The following PFKFB1 variants were observed in gnomAD, a reference collection of about 807,000 sequenced individuals.
PFKFB1 encodes the protein 6-phosphofructo-2-kinase/fructose-2,6-biphosphatase 1, also known as 6-phosphofructo-2-kinase/fructose-2,6-bisphosphatase 1.
A neutral mutation model predicts 46.4 loss-of-function variants in PFKFB1; 34 were observed. That is an observed-to-expected ratio of 0.73 (90% confidence interval 0.56 to 0.98). PFKFB1 has a LOEUF of 0.98. PFKFB1 is among the 50% of genes least tolerant of loss of function. The pLI is 0.00. For synonymous variants in PFKFB1, 119 were observed against 133.8 expected (o/e 0.89, Z 0.76); for missense variants, 393 against 376.3 (o/e 1.04, Z -0.37).
At position 54,938,798 on chromosome X, in the gene PFKFB1, T is replaced by C. The variant is rs181380219; in HGVS notation, c.1099-1074A>G. Reference sequence around the variant, plus strand: ...CTCCCACACAATAATAATGAGAGACTTTAACACCCACTGTCAACATTAGAC... The same window carrying C: ...CTCCCACACAATAATAATGAGAGACCTTAACACCCACTGTCAACATTAGAC... On this transcript the variant is annotated intron_variant, in intron 10 of 13. Transcript: ENST00000375006. Among the ~76,000 whole-genome samples the C allele has an allele frequency of 5.1e-3, 567 of 111,335 alleles. 1 individual carries two copies. The highest frequency in any genetic ancestry group is 0.017 in the African/African-American group (534 of 30,585).
chrX:54,986,878 G>T (rs1365344158), intron 1 of PFKFB1, among the ~76,000 whole-genome samples: 6 of 110,710 alleles, frequency 5.4e-5, no homozygotes, highest in African/African-American at 2.0e-4. Flanking sequence ...ATAACAGAGA[G>T]AACTTTGGGA....
intron 2 of PFKFB1, 133 bp downstream of exon 2, chrX:54,963,124 A>G: frequency 1.8e-6 from 1 of 565,031 alleles, no homozygotes; most frequent in South Asian, 3.0e-5. Flanking sequence ...TAATAGTGGT[A>G]GCAGTAGTCC....
Position 54,980,682 on chromosome X carries a change from CATT to C in PFKFB1, c.97+13226_97+13228del, listed in dbSNP as rs772123262. On this transcript the variant is annotated intron_variant, in intron 1 of 13. Transcript: ENST00000375006. ...TATGTGGGTTTGGGGCTGGGATGTA[CATT>C]ACCCGTGTAGGAAGAAAAAAAGCCA... Among the ~76,000 whole-genome samples the C allele has an allele frequency of 3.1e-3, 302 of 98,731 alleles. 3 individuals are homozygous for C. Among genetic ancestry groups the C allele is most frequent in the African/African-American group, 0.011 (291 of 26,736 alleles). 85.7% of individuals were successfully genotyped at this position (98,731 alleles called of 115,157 possible). A position where few individuals can be genotyped will look rare whatever the true frequency, so the allele number is the denominator to read the frequency against.
upstream of PFKFB1, chrX:54,998,414 C>G: frequency 1.7e-6 from 2 of 1,151,772 alleles, no homozygotes; most frequent in African/African-American, 1.8e-5. Context: ...ACCTTTTATT[C>G]TAGAGGTTTT....
At chrX:54,939,578 A>T (rs866741162) in intron 10 of PFKFB1, among the ~76,000 whole-genome samples, 9 of 112,233 alleles carry the variant, frequency 8.0e-5, no homozygotes, top group Non-Finnish European at 1.9e-5. Context: ...CCGATCCCAC[A>T]GATACACAAA....
intron 1 of PFKFB1, among the ~76,000 whole-genome samples, chrX:54,968,162 T>C (rs1206605962): frequency 1.8e-5 from 1 of 55,246 alleles, no homozygotes; most frequent in Non-Finnish European, 3.3e-5. Flanking sequence ...TGAGTTCATG[T>C]CCTTTGTAGG....
chrX:54,960,961 T>C, intron 2 of PFKFB1, 44 bp from the exon 3 acceptor site: 1 of 894,800 alleles, frequency 1.1e-6, no homozygotes, highest in Non-Finnish European at 1.6e-6. Flanking sequence ...AAGATCCCAG[T>C]GGCCAAAAAA....
intron 9 of PFKFB1, 122 bp downstream of exon 9, chrX:54,948,953 T>C: frequency 2.6e-6 from 2 of 757,407 alleles, no homozygotes; most frequent in Non-Finnish European, 3.9e-6. Context: ...ACATGGCTAG[T>C]TGTCAAAAAA....
intron 1 of PFKFB1, among the ~76,000 whole-genome samples, chrX:54,982,039 A>G (rs760005681): frequency 9.0e-6 from 1 of 111,671 alleles, no homozygotes; most frequent in African/African-American, 3.2e-5. Context: ...ATATGGATCA[A>G]TTCCTTGAAA....
At chrX:54,993,642 T>C (rs941782334) in intron 1 of PFKFB1, among the ~76,000 whole-genome samples, 1 of 112,410 alleles carries the variant, frequency 8.9e-6, no homozygotes, top group Admixed American at 9.4e-5. Flanking sequence ...AAACAAGCTC[T>C]GCATAAGAAA....
At chrX:54,940,747 C>A (rs1316604636) in intron 10 of PFKFB1, among the ~76,000 whole-genome samples, 1 of 111,327 alleles carries the variant, frequency 9.0e-6, no homozygotes, top group Admixed American at 9.6e-5. Context: ...AAAGAGGATA[C>A]AAACAAATGG....
At chrX:54,974,060 C>T (rs759899341) in intron 1 of PFKFB1, among the ~76,000 whole-genome samples, 64 of 111,187 alleles carry the variant, frequency 5.8e-4, no homozygotes, top group African/African-American at 2.0e-3. Context: ...GACCTATATA[C>T]GTAACACAAT....
chrX:54,934,006 A>C, intron 12 of PFKFB1, 121 bp from the exon 13 acceptor site: 1 of 512,640 alleles, frequency 2.0e-6, no homozygotes, highest in Non-Finnish European at 3.3e-6. Flanking sequence ...TGTACAGATC[A>C]TGACTCGCCT....
At chrX:54,942,928 G>A (rs377624142) in intron 10 of PFKFB1, among the ~76,000 whole-genome samples, 2 of 111,397 alleles carry the variant, frequency 1.8e-5, no homozygotes, top group East Asian at 5.6e-4. Context: ...AGATAAAGCT[G>A]AAGAAATTAC....
chrX:54,945,053 GGACAATGCCAACTGCCCA>G (rs1331970813), intron 10 of PFKFB1, among the ~76,000 whole-genome samples: 6 of 111,715 alleles, frequency 5.4e-5, no homozygotes, highest in African/African-American at 2.0e-4. Flanking sequence ...TTGTCCCTTG[GGACAATGCCAACTGCCCA>G]GACAGGCTGG....
chrX:54,996,493 A>G (rs939747905), upstream of PFKFB1, among the ~76,000 whole-genome samples: 1 of 112,520 alleles, frequency 8.9e-6, no homozygotes, highest in Non-Finnish European at 1.9e-5. Context: ...ATCTGAGATA[A>G]GAAGCTGGCA....
intron 6 of PFKFB1, among the ~76,000 whole-genome samples, chrX:54,957,759 A>G (rs1368466794): frequency 9.0e-6 from 1 of 111,127 alleles, no homozygotes; most frequent in Non-Finnish European, 1.9e-5. Flanking sequence ...GAAGAAAATT[A>G]CCCTTAAGGT....
intron 10 of PFKFB1, among the ~76,000 whole-genome samples, chrX:54,938,713 C>A (rs1055262911): frequency 1.8e-5 from 2 of 111,574 alleles, no homozygotes; most frequent in Non-Finnish European, 3.8e-5. Flanking sequence ...TATATGCACC[C>A]AATACAGGAG....
At chrX:54,994,331 G>A (rs752857575), upstream of PFKFB1, 6 of 752,261 alleles carry the variant, frequency 8.0e-6, no homozygotes, top group Non-Finnish European at 7.8e-6. Flanking sequence ...AAGGAAGGCA[G>A]CCAGCAACAC....
Sources: allele counts gnomAD v4.1 joint callset (sites outside exome capture counted in the v4.1 genomes callset), GRCh38; gene constraint gnomAD v4.1.1; transcripts MANE v1.5; gene names NCBI Gene and HGNC (gene_info 2026-07-23, HGNC 2026-07-21).